HYCC2: variants seen among roughly 807,000 people sequenced by gnomAD.
HYCC2 encodes the protein hyccin 2.
At chr2:201,028,606 C>T in the HYCC2 span, among the ~76,000 whole-genome samples, 3 of 152,034 alleles carry the variant, frequency 2.0e-5, no homozygotes, top group African/African-American at 7.2e-5. Flanking sequence ...GTACTGGTAC[C>T]AAAACAGAGA....
At chr2:201,006,598 A>C in the HYCC2 span, among the ~76,000 whole-genome samples, 1 of 152,204 alleles carries the variant, frequency 6.6e-6, no homozygotes, top group African/African-American at 2.4e-5. Context: ...TTTAGAACTT[A>C]ATAAGGCTAA....
At chr2:201,061,409 G>C in the HYCC2 span, 1 of 151,788 alleles carries the variant, frequency 6.6e-6, no homozygotes, top group African/African-American at 2.4e-5. Context: ...TCCAGCCTGG[G>C]AGAGCGAAAC....
the HYCC2 span, among the ~76,000 whole-genome samples, chr2:201,028,627 T>C: frequency 2.0e-5 from 3 of 152,020 alleles, no homozygotes; most frequent in African/African-American, 4.8e-5. Flanking sequence ...TATAGACCAA[T>C]GGAACAGAAC....
the HYCC2 span, among the ~76,000 whole-genome samples, chr2:201,068,861 CAAG>C: frequency 6.6e-6 from 1 of 152,004 alleles, no homozygotes; most frequent in South Asian, 2.1e-4. Context: ...TTCCACATCC[CAAG>C]AAAAGAACAT....
At chr2:201,065,810 T>C in the HYCC2 span, among the ~76,000 whole-genome samples, 1 of 152,132 alleles carries the variant, frequency 6.6e-6, no homozygotes, top group Admixed American at 6.6e-5. Context: ...CAATTACATG[T>C]ATAGAATAGG....
the HYCC2 span, among the ~76,000 whole-genome samples, chr2:201,053,890 G>T: frequency 6.6e-6 from 1 of 152,206 alleles, no homozygotes; most frequent in African/African-American, 2.4e-5. Flanking sequence ...TTTGAACCCA[G>T]GAGGCAGAGG....
the HYCC2 span, among the ~76,000 whole-genome samples, chr2:200,984,937 AC>A: frequency 4.6e-5 from 7 of 152,106 alleles, no homozygotes; most frequent in Non-Finnish European, 1.0e-4. Context: ...ACATAGCAAG[AC>A]CCCATCTCTA....
At chr2:201,042,279 G>A in the HYCC2 span, among the ~76,000 whole-genome samples, 11 of 152,332 alleles carry the variant, frequency 7.2e-5, no homozygotes, top group East Asian at 1.9e-3. Context: ...CCAGGCTGGA[G>A]TGCAGTGGCG....
At chr2:201,012,370 A>T in the HYCC2 span, among the ~76,000 whole-genome samples, 1 of 152,042 alleles carries the variant, frequency 6.6e-6, no homozygotes, top group Non-Finnish European at 1.5e-5. Flanking sequence ...CTGAGGTGGG[A>T]GGATCCCTTG....
chr2:201,070,105 C>T, the HYCC2 span, among the ~76,000 whole-genome samples: 1 of 152,106 alleles, frequency 6.6e-6, no homozygotes, highest in Non-Finnish European at 1.5e-5. Context: ...AATTGTTTTT[C>T]AATGACCTAC....
At chr2:201,020,341 G>A in the HYCC2 span, among the ~76,000 whole-genome samples, 1 of 152,130 alleles carries the variant, frequency 6.6e-6, no homozygotes, top group South Asian at 2.1e-4. Flanking sequence ...CACACTGAGA[G>A]TATTTGGATG....
chr2:200,982,896 T>C, the HYCC2 span, among the ~76,000 whole-genome samples: 1 of 152,160 alleles, frequency 6.6e-6, no homozygotes, highest in Non-Finnish European at 1.5e-5. Flanking sequence ...TAGCTGGGAT[T>C]ACAGGCGTGT....
chr2:201,003,804 GCTTTT>G, the HYCC2 span, among the ~76,000 whole-genome samples: 1 of 116,858 alleles, frequency 8.6e-6, no homozygotes, highest in Admixed American at 8.7e-5. Flanking sequence ...TGTTGTTGTT[GCTTTT>G]TTTTTTTTTT....
chr2:201,047,467 C>T, the HYCC2 span, among the ~76,000 whole-genome samples: 31 of 107,488 alleles, frequency 2.9e-4, no homozygotes, highest in African/African-American at 1.2e-3. Flanking sequence ...TATATATATA[C>T]ACACACACAT....
At chr2:201,018,609 T>C in the HYCC2 span, among the ~76,000 whole-genome samples, 12 of 152,220 alleles carry the variant, frequency 7.9e-5, no homozygotes, top group East Asian at 9.6e-4. Context: ...TACATACATA[T>C]ACATCCTAGT....
At chr2:201,025,524 T>C in the HYCC2 span, among the ~76,000 whole-genome samples, 3 of 151,988 alleles carry the variant, frequency 2.0e-5, no homozygotes, top group African/African-American at 7.2e-5. Flanking sequence ...GAGCCAATAT[T>C]GACTAAGGAA....
the HYCC2 span, among the ~76,000 whole-genome samples, chr2:201,018,077 GA>G: frequency 6.6e-6 from 1 of 152,070 alleles, no homozygotes; most frequent in African/African-American, 2.4e-5. Flanking sequence ...TTATAAAGGA[GA>G]AAAGTATCCA....
the HYCC2 span, among the ~76,000 whole-genome samples, chr2:201,014,573 T>G: frequency 2.8e-4 from 43 of 152,204 alleles, no homozygotes; most frequent in Non-Finnish European, 5.9e-5. Flanking sequence ...TTGCCCAAAT[T>G]TAAAACACCT....
the HYCC2 span, among the ~76,000 whole-genome samples, chr2:201,026,169 C>A: frequency 0.037 from 5,687 of 152,160 alleles, 141 homozygotes; most frequent in Middle Eastern, 0.088. Context: ...CAAACCTAGT[C>A]TCTGATAAAA....
Sources: allele counts gnomAD v4.1 joint callset (sites outside exome capture counted in the v4.1 genomes callset), GRCh38; gene constraint gnomAD v4.1.1; transcripts MANE v1.5; gene names NCBI Gene and HGNC (gene_info 2026-07-23, HGNC 2026-07-21).